ZNF107: variants seen among roughly 807,000 people sequenced by gnomAD.
The protein encoded by ZNF107 is zinc finger protein 107.
In ZNF107, 19 loss-of-function variants were observed where a neutral mutation model predicts 12.3. That is an observed-to-expected ratio of 1.55 (90% confidence interval 1.08 to 2.27). The LOEUF (loss-of-function observed/expected upper bound fraction) is 2.27, where lower values mean the gene tolerates loss of function less well. Among genes scored for constraint, ZNF107 ranks in the 30% most tolerant of loss-of-function variants. The pLI, the probability that ZNF107 is intolerant of heterozygous loss-of-function variation, is 0.00. For synonymous variants in ZNF107, 317 were observed against 330.5 expected, an observed-to-expected ratio of 0.96 and a Z score of 0.44; for missense variants, 958 against 979.9, an observed-to-expected ratio of 0.98 and a Z score of 0.30.
At position 64,666,199 on chromosome 7, in the gene ZNF107, A is replaced by G; in HGVS notation, c.-84A>G. On this transcript the variant is annotated 5_prime_UTR_variant, in exon 1 of 4. Transcript: ENST00000620827. ...TCACTGCTCAGTGTCCTCTGCTCCT[A>G]GAGGCCCAGCCTCTGTGTCCCTGTG... The G allele has an allele frequency of 1.3e-6, 2 of 1,563,594 alleles. No individual in the cohort carries two copies. The highest frequency in any genetic ancestry group is 1.4e-5 in the African/African-American group (1 of 73,704).
At chr7:64,668,125 T>C (rs1306793372) in intron 1 of ZNF107, among the ~76,000 whole-genome samples, 1 of 151,990 alleles carries the variant, frequency 6.6e-6, no homozygotes, top group East Asian at 1.9e-4. Context: ...TGGCCTGACT[T>C]GACACATGAG....
chr7:64,679,442 A>T (rs1338691649), intron 1 of ZNF107: 1 of 874,388 alleles, frequency 1.1e-6, no homozygotes. Context: ...TATCTCTGGG[A>T]AGACAGGCTT....
At chr7:64,674,422 T>C (rs990334586) in intron 1 of ZNF107, among the ~76,000 whole-genome samples, 1 of 152,166 alleles carries the variant, frequency 6.6e-6, no homozygotes, top group Non-Finnish European at 1.5e-5. Flanking sequence ...ATGTTGTTGA[T>C]GTAGAGGGAT....
intron 1 of ZNF107, chr7:64,687,465 A>G (rs1272638816): frequency 2.0e-6 from 2 of 985,330 alleles, no homozygotes; most frequent in Admixed American, 6.2e-5. Flanking sequence ...ATAGGGTGCC[A>G]GGTGTGAGCT....
chr7:64,684,694 C>T, intron 1 of ZNF107: 1 of 985,412 alleles, frequency 1.0e-6, no homozygotes, highest in Non-Finnish European at 1.2e-6. Flanking sequence ...TCCCCAAACT[C>T]CCACCTTAGA....
At chr7:64,669,596 C>A (rs940669966) in intron 1 of ZNF107, among the ~76,000 whole-genome samples, 100 of 151,964 alleles carry the variant, frequency 6.6e-4, no homozygotes, top group African/African-American at 2.4e-3. Flanking sequence ...GAGTTCAAGA[C>A]CAGCCTGGCC....
intron 1 of ZNF107, among the ~76,000 whole-genome samples, chr7:64,688,870 A>G (rs1361266578): frequency 6.6e-6 from 1 of 152,186 alleles, no homozygotes; most frequent in Non-Finnish European, 1.5e-5. Flanking sequence ...CACACCCTAT[A>G]GCTTAACAAT....
chr7:64,708,843 G>C lies in ZNF107; in HGVS notation c.*187G>C, dbSNP rs1790792342. Reference sequence around the variant, plus strand: ...TTTTAACTAATCTTCAAACCTTACTGAAAGTTGAGAAAATTCGTACTGGAG... The same window carrying C: ...TTTTAACTAATCTTCAAACCTTACTCAAAGTTGAGAAAATTCGTACTGGAG... On this transcript the variant is annotated 3_prime_UTR_variant, in exon 4 of 4. Coordinates refer to ENST00000620827, the MANE Select transcript of ZNF107 (RefSeq NM_001282359.2). The C allele has an allele frequency of 1.1e-5, 7 of 662,650 alleles. No homozygotes were observed. Among genetic ancestry groups the C allele is most frequent in the African/African-American group, 1.8e-5 (1 of 54,558 alleles). 41.0% of individuals were successfully genotyped at this position (662,650 alleles called of 1,614,324 possible).
At chr7:64,690,591 A>G (rs1562835262) in intron 1 of ZNF107, 4 of 937,788 alleles carry the variant, frequency 4.3e-6, no homozygotes, top group Non-Finnish European at 5.1e-6. Flanking sequence ...GAGACATTCC[A>G]TTTAGCAATG....
In ZNF107 at chr7:64,691,973, G is replaced by T; in HGVS notation, c.226+13G>T. 1 of 1,484,022 alleles carries T rather than the reference G, an allele frequency of 6.7e-7. No individual in the cohort carries two copies. 91.9% of individuals were successfully genotyped at this position (1,484,022 alleles called of 1,614,324 possible). ...GCCAAACCCCCAGGTAGGTGAGAGTGAAAGTGAATACAACAGATGACAAAG... is the reference window on the plus strand; with the variant it reads ...GCCAAACCCCCAGGTAGGTGAGAGTTAAAGTGAATACAACAGATGACAAAG... On this transcript the variant is annotated intron_variant, in intron 3 of 3. Transcript: ENST00000620827.
At chr7:64,672,038 G>A (rs1220106870) in intron 1 of ZNF107, among the ~76,000 whole-genome samples, 6 of 151,710 alleles carry the variant, frequency 4.0e-5, no homozygotes, top group African/African-American at 7.3e-5. Flanking sequence ...CACCCGCCTC[G>A]GCCTCCCAAA....
rs1790238142 is a variant in ZNF107, at chr7:64,694,932, G to A, written c.226+2972G>A. ...TACTAAAATAGTTACTTACAAATTT[G>A]AGCTAGCTGTCGTTATAAACAAATT... On this transcript the variant is annotated intron_variant, in intron 3 of 3. Transcript: ENST00000620827. Among the ~76,000 whole-genome samples, 3 of 151,936 alleles carry A rather than the reference G, an allele frequency of 2.0e-5. No homozygotes were observed. The South Asian group carries it at 6.2e-4, about 32-fold the overall frequency.
At chr7:64,690,364 T>C in intron 1 of ZNF107, 1 of 985,454 alleles carries the variant, frequency 1.0e-6, no homozygotes, top group Non-Finnish European at 1.2e-6. Context: ...GCTGCAGTTC[T>C]GTTCAGATTC....
intron 1 of ZNF107, among the ~76,000 whole-genome samples, chr7:64,668,189 G>T (rs1789078943): frequency 6.6e-6 from 1 of 151,624 alleles, no homozygotes; most frequent in African/African-American, 2.4e-5. Context: ...AAGTTTTAGG[G>T]TACATGTGCA....
intron 1 of ZNF107, among the ~76,000 whole-genome samples, chr7:64,685,137 C>A (rs1789854092): frequency 6.6e-6 from 1 of 152,192 alleles, no homozygotes. Context: ...AACTTTTACG[C>A]TCCTACATGT....
intron 1 of ZNF107, among the ~76,000 whole-genome samples, chr7:64,683,541 C>T (rs12667690): frequency 0.047 from 7,143 of 152,260 alleles, 451 homozygotes; most frequent in African/African-American, 0.14. Flanking sequence ...TCCTTTCCAA[C>T]TCACAAGGCA....
chr7:64,686,623 A>C (rs1433381354), intron 1 of ZNF107: 1 of 985,348 alleles, frequency 1.0e-6, no homozygotes, highest in Non-Finnish European at 1.2e-6. Context: ...TGGGCCATTA[A>C]GAACTCTGTG....
Position 64,707,575 on chromosome 7 carries a change from C to A in ZNF107, c.1478C>A (p.Ser493Tyr), listed in dbSNP as rs1470598304. Residue 493 changes from serine (S) to tyrosine (Y), a missense_variant, in exon 4 of 4, where the codon TCC becomes TAC. Coordinates refer to ENST00000620827, the MANE Select transcript of ZNF107 (RefSeq NM_001282359.2). ...CEECGKAFNR[S>Y]STLTRHKKIH... ...GAATGTGGAAAAGCTTTTAATCGATCCTCAACCCTTACTAGACATAAGAAA... is the reference window on the plus strand; with the variant it reads ...GAATGTGGAAAAGCTTTTAATCGATACTCAACCCTTACTAGACATAAGAAA... 6.2e-7 allele frequency: 1 copy of A among 1,612,262 alleles called. No individual in the cohort carries two copies. The highest frequency in any genetic ancestry group is 1.3e-5 in the African/African-American group (1 of 74,662).
intron 3 of ZNF107, among the ~76,000 whole-genome samples, chr7:64,694,426 A>G (rs1790218856): frequency 6.6e-6 from 1 of 152,230 alleles, no homozygotes; most frequent in East Asian, 1.9e-4. Flanking sequence ...CTTTGGCTCT[A>G]GCAGAGTTTC....
Sources: allele counts gnomAD v4.1 joint callset (sites outside exome capture counted in the v4.1 genomes callset), GRCh38; gene constraint gnomAD v4.1.1; transcripts MANE v1.5; gene names NCBI Gene and HGNC (gene_info 2026-07-23, HGNC 2026-07-21).